Variants in DSG3 observed in about 807,000 individuals in gnomAD.
DSG3 encodes desmoglein 3.
In DSG3, 63 loss-of-function variants were observed where a neutral mutation model predicts 85.9. The observed-to-expected ratio is 0.73, with a 90% CI of 0.60 to 0.90. The LOEUF is 0.90. DSG3 is among the 40% of genes least tolerant of loss of function. DSG3 has a pLI of 0.00. For missense variants in DSG3, 1,220 were observed against 1,219.9 expected (o/e 1.00, Z 0.00); for synonymous variants, 447 against 441.9 (o/e 1.01, Z -0.14).
At position 31,460,889 on chromosome 18, in the gene DSG3, A is replaced by G. The variant is rs185193655; in HGVS notation, c.741A>G (p.Leu247=). Residue 247 remains leucine, a synonymous_variant, in exon 7 of 16, where the codon CTA becomes CTG. Coordinates refer to ENST00000257189, the MANE Select transcript of DSG3 (RefSeq NM_001944.3). Reference sequence around the variant, plus strand: ...GTGCAGACAAAGATGGAGAAGGACTATCAACTCAATGTGAATGTAATATTA... The same window carrying G: ...GTGCAGACAAAGATGGAGAAGGACTGTCAACTCAATGTGAATGTAATATTA... ...VSGADKDGEG[L]STQCECNIKV... The G allele has an allele frequency of 5.6e-6, 9 of 1,604,514 alleles. No homozygotes were observed. Among genetic ancestry groups the G allele is most frequent in the Middle Eastern group, 1.7e-4 (1 of 6,038 alleles).
At chr18:31,455,800 A>G (rs1393836322) in intron 1 of DSG3, among the ~76,000 whole-genome samples, 2 of 152,202 alleles carry the variant, frequency 1.3e-5, no homozygotes, top group South Asian at 2.1e-4. Flanking sequence ...TAAGTTCAAT[A>G]TTTAAATTGA....
At position 31,464,111 on chromosome 18, in the gene DSG3, G is replaced by C; in HGVS notation, c.1000G>C (p.Ala334Pro). 1 of 1,608,216 alleles carries C rather than the reference G, an allele frequency of 6.2e-7. No individual in the cohort carries two copies. Among genetic ancestry groups the C allele is most frequent in the Non-Finnish European group, 8.5e-7 (1 of 1,176,920 alleles). Residue 334 changes from alanine to proline, a missense_variant and splice_region_variant, in exon 9 of 16, where the codon GCT becomes CCT. Coordinates refer to ENST00000257189, the MANE Select transcript of DSG3 (RefSeq NM_001944.3). ...CCTTCTAATTTTATTTTTTCTCCAGGCTCTAGATTATGAACAACTACAAAG... is the reference window on the plus strand; with the variant it reads ...CCTTCTAATTTTATTTTTTCTCCAGCCTCTAGATTATGAACAACTACAAAG... ...TNEGILKVVKALDYEQLQSVK... is the reference protein window; with the variant it reads ...TNEGILKVVKPLDYEQLQSVK...
At chr18:31,462,082 G>GT (rs968640970) in intron 8 of DSG3, among the ~76,000 whole-genome samples, 32 of 150,722 alleles carry the variant, frequency 2.1e-4, no homozygotes, top group East Asian at 1.4e-3. Flanking sequence ...TTTTGTTTTT[G>GT]TTTTTTTTGA....
chr18:31,459,027 T>G lies in DSG3; in HGVS notation c.373-6T>G. ...GTAATACTCCACATTTTCCCTCTGT[T>G]CCTAGATCACATGTCGGGCTCTAAA... On this transcript the variant is annotated splice_region_variant and splice_polypyrimidine_tract_variant and intron_variant, in intron 4 of 15. Coordinates refer to ENST00000257189, the MANE Select transcript of DSG3 (RefSeq NM_001944.3). 6.2e-7 allele frequency: 1 copy of G among 1,613,160 alleles called. No homozygotes were observed.
chr18:31,466,421 T>A, intron 10 of DSG3, 109 bp from the exon 11 acceptor site: 1 of 909,066 alleles, frequency 1.1e-6, no homozygotes, highest in South Asian at 1.6e-5. Flanking sequence ...TAGTATTTCA[T>A]GAGAAGACAC....
At chr18:31,470,775 C>T (rs2144241563) in intron 12 of DSG3, among the ~76,000 whole-genome samples, 1 of 152,264 alleles carries the variant, frequency 6.6e-6, no homozygotes, top group Non-Finnish European at 1.5e-5. Context: ...ATGGAAAAGG[C>T]ATTTCCAAAA....
chr18:31,456,999 G>C lies in DSG3; in HGVS notation c.91G>C (p.Gly31Arg). ...GAATCCCTTTTTACATAAGACTAAA[G>C]GTCAATATGATGAAGAAGAGATGAC... ...VHGELRIETK[G>R]QYDEEEMTMQ... The change falls in exon 3 of 16, where the codon GGT becomes CGT. Residue 31 changes from glycine (G) to arginine (R), a missense_variant. Transcript: ENST00000257189. 6.2e-7 allele frequency: 1 copy of C among 1,606,842 alleles called. No homozygotes were observed. Among genetic ancestry groups the C allele is most frequent in the African/African-American group, 1.3e-5 (1 of 74,408 alleles).
At chr18:31,463,092 G>T (rs531218227) in intron 8 of DSG3, among the ~76,000 whole-genome samples, 1 of 152,184 alleles carries the variant, frequency 6.6e-6, no homozygotes, top group African/African-American at 2.4e-5. Flanking sequence ...AAGGCAATTT[G>T]TTATCTGTAT....
chr18:31,465,996 A>T (rs2072816082), intron 10 of DSG3, among the ~76,000 whole-genome samples: 1 of 152,202 alleles, frequency 6.6e-6, no homozygotes, highest in African/African-American at 2.4e-5. Flanking sequence ...ATTTGGGAAA[A>T]CAAGAAAAGA....
At chr18:31,467,691 C>T (rs558018477) in intron 11 of DSG3, among the ~76,000 whole-genome samples, 46 of 152,180 alleles carry the variant, frequency 3.0e-4, no homozygotes, top group African/African-American at 7.7e-4. Flanking sequence ...TTTATAATGA[C>T]GATGAGACCA....
At chr18:31,469,962 C>A (rs1220753967) in intron 12 of DSG3, among the ~76,000 whole-genome samples, 1 of 152,018 alleles carries the variant, frequency 6.6e-6, no homozygotes, top group African/African-American at 2.4e-5. Flanking sequence ...GAATATGCAT[C>A]CCCTTTAATA....
At chr18:31,462,992 G>A (rs1461634424) in intron 8 of DSG3, among the ~76,000 whole-genome samples, 2 of 152,270 alleles carry the variant, frequency 1.3e-5, no homozygotes, top group African/African-American at 4.8e-5. Context: ...TATTGGAGAA[G>A]CCCAGGCAGC....
intron 1 of DSG3, among the ~76,000 whole-genome samples, chr18:31,448,708 A>G (rs2072693661): frequency 6.6e-6 from 1 of 152,096 alleles, no homozygotes; most frequent in Non-Finnish European, 1.5e-5. Context: ...AGATATCAAA[A>G]TAGTTAAATA....
At chr18:31,457,484 G>A (rs765371131) in intron 3 of DSG3, among the ~76,000 whole-genome samples, 5 of 152,020 alleles carry the variant, frequency 3.3e-5, no homozygotes, top group Non-Finnish European at 5.9e-5. Context: ...AACTGTTGAA[G>A]CTCAGTGATA....
intron 15 of DSG3, 152 bp downstream of exon 15, chr18:31,474,556 G>A (rs915818008): frequency 2.0e-6 from 2 of 1,002,380 alleles, no homozygotes; most frequent in Non-Finnish European, 2.9e-6. Flanking sequence ...AAATAATACA[G>A]ATAACCTAAG....
chr18:31,458,645 C>A (rs1289431630), intron 4 of DSG3, 45 bp downstream of exon 4: 24 of 1,574,768 alleles, frequency 1.5e-5, no homozygotes, highest in Non-Finnish European at 2.0e-5. Flanking sequence ...TCCTTGTATA[C>A]CATCGCTTTA....
chr18:31,471,338 A>G (rs1400896281), intron 12 of DSG3, among the ~76,000 whole-genome samples: 1 of 152,212 alleles, frequency 6.6e-6, no homozygotes, highest in Non-Finnish European at 1.5e-5. Context: ...ATAACAACCT[A>G]TGATGTAGAT....
At position 31,447,906 on chromosome 18, in the gene DSG3, G is replaced by A; in HGVS notation, c.29G>A (p.Gly10Glu). 2 of 1,586,426 alleles carry A rather than the reference G, an allele frequency of 1.3e-6. No homozygotes were observed. Among genetic ancestry groups the A allele is most frequent in the Non-Finnish European group, 1.7e-6 (2 of 1,168,170 alleles). Residue 10 changes from glycine (G) to glutamate (E), a missense_variant, in exon 1 of 16, where the codon GGG becomes GAG. Transcript: ENST00000257189. ...ATGGGGCTCTTCCCCAGAACTACAG[G>A]GGCTCTGGCCATCTTCGTGGTAAGT... The part of the protein sequence containing the change: MMGLFPRTT[G>E]ALAIFVVVIL...
chr18:31,457,773 G>A (rs556115623), intron 3 of DSG3, among the ~76,000 whole-genome samples: 36 of 151,810 alleles, frequency 2.4e-4, no homozygotes, highest in African/African-American at 7.5e-4. Context: ...GATTACAGGC[G>A]TGTGCCACCA....
Sources: gnomAD v4.1 joint callset for allele counts (sites outside exome capture counted in the v4.1 genomes callset) on GRCh38, gnomAD v4.1.1 for gene constraint, MANE v1.5 for transcripts, NCBI Gene and HGNC (gene_info 2026-07-23, HGNC 2026-07-21) for gene names.